The following PTPRM variants were observed in gnomAD, a reference collection of about 807,000 sequenced individuals.
PTPRM encodes the protein protein tyrosine phosphatase receptor type M, also known as receptor-type tyrosine-protein phosphatase mu.
In PTPRM, 47 loss-of-function variants were observed where a neutral mutation model predicts 186.7. The observed-to-expected ratio is 0.25, with a 90% CI of 0.20 to 0.32. PTPRM has a LOEUF of 0.32. Ranked by LOEUF, PTPRM falls within the 10% of genes least tolerant of loss-of-function variation. The pLI is 1.00. For missense variants in PTPRM, 1,494 were observed against 1,865.0 expected (o/e 0.80, Z 3.66); for synonymous variants, 668 against 674.9 (o/e 0.99, Z 0.16).
chr18:7,719,495 A>T (rs1201570185), intron 1 of PTPRM, among the ~76,000 whole-genome samples: 1 of 152,170 alleles, frequency 6.6e-6, no homozygotes, highest in Non-Finnish European at 1.5e-5. Context: ...GAACTTACCC[A>T]TGTAACTAAA....
At chr18:7,722,546 A>G (rs1487106459) in intron 1 of PTPRM, among the ~76,000 whole-genome samples, 2 of 152,336 alleles carry the variant, frequency 1.3e-5, no homozygotes, top group East Asian at 3.9e-4. Flanking sequence ...GGGTAAATTC[A>G]CTTATAAATT....
intron 29 of PTPRM, among the ~76,000 whole-genome samples, chr18:8,383,283 C>A (rs1013402791): frequency 9.8e-6 from 1 of 102,194 alleles, no homozygotes; most frequent in Admixed American, 1.6e-4. Context: ...GGCGACAGAA[C>A]GAGCTTCTGC....
At chr18:8,294,235 G>A (rs1355369186) in intron 19 of PTPRM, among the ~76,000 whole-genome samples, 1 of 152,154 alleles carries the variant, frequency 6.6e-6, no homozygotes, top group Admixed American at 6.5e-5. Context: ...CTGGGTCACA[G>A]GGTGAGACTC....
chr18:8,287,889 G>A (rs1357921781), intron 19 of PTPRM, among the ~76,000 whole-genome samples: 3 of 152,144 alleles, frequency 2.0e-5, no homozygotes, highest in Non-Finnish European at 2.9e-5. Flanking sequence ...CCTCTTTGGG[G>A]GACCTGTGAC....
chr18:8,397,771 C>G (rs2148618889), intron 32 of PTPRM, among the ~76,000 whole-genome samples: 1 of 152,350 alleles, frequency 6.6e-6, no homozygotes, highest in East Asian at 1.9e-4. Context: ...GGCAGCTCCC[C>G]TCTCACTTTT....
chr18:7,592,362 C>A (rs961927740), intron 1 of PTPRM, among the ~76,000 whole-genome samples: 1 of 152,190 alleles, frequency 6.6e-6, no homozygotes, highest in African/African-American at 2.4e-5. Context: ...TTTGCCTTTT[C>A]AGTGCTTTGG....
chr18:7,688,651 G>C (rs1197175915), intron 1 of PTPRM, among the ~76,000 whole-genome samples: 1 of 152,222 alleles, frequency 6.6e-6, no homozygotes, highest in Non-Finnish European at 1.5e-5. Flanking sequence ...TGGGAAGAGA[G>C]TAGTCCAGGC....
At chr18:8,055,116 A>G (rs1183532184) in intron 7 of PTPRM, among the ~76,000 whole-genome samples, 4 of 151,782 alleles carry the variant, frequency 2.6e-5, no homozygotes, top group African/African-American at 9.7e-5. Flanking sequence ...GTGGAATTTA[A>G]TTTTTCTATC....
At chr18:8,259,896 C>A (rs2094610830) in intron 19 of PTPRM, among the ~76,000 whole-genome samples, 1 of 152,142 alleles carries the variant, frequency 6.6e-6, no homozygotes, top group Non-Finnish European at 1.5e-5. Flanking sequence ...CCCATCTTGG[C>A]CTCCCAAAGT....
intron 10 of PTPRM, among the ~76,000 whole-genome samples, 153 bp from the exon 11 acceptor site, chr18:8,088,596 G>A (rs2090552217): frequency 1.3e-5 from 2 of 152,168 alleles, no homozygotes; most frequent in African/African-American, 4.8e-5. Flanking sequence ...TTCTATGTAG[G>A]GAATATATGT....
chr18:8,161,998 A>G (rs1171983485), intron 14 of PTPRM, among the ~76,000 whole-genome samples: 1 of 152,090 alleles, frequency 6.6e-6, no homozygotes, highest in African/African-American at 2.4e-5. Context: ...TTTCTTGCTA[A>G]TCCAAGCTGG....
chr18:8,184,158 C>T (rs553460797), intron 14 of PTPRM, among the ~76,000 whole-genome samples: 5 of 152,324 alleles, frequency 3.3e-5, no homozygotes, highest in South Asian at 4.1e-4. Flanking sequence ...TTTCTTTGCA[C>T]AGACACAGTA....
At chr18:7,952,961 G>A (rs1471849509) in intron 6 of PTPRM, among the ~76,000 whole-genome samples, 8 of 152,184 alleles carry the variant, frequency 5.3e-5, no homozygotes, top group East Asian at 1.9e-4. Context: ...AGCCACGATG[G>A]TGCCACTGCA....
chr18:7,700,319 T>TG (rs1167203608), intron 1 of PTPRM, among the ~76,000 whole-genome samples: 1 of 151,774 alleles, frequency 6.6e-6, no homozygotes. Context: ...CTTTGTGTGC[T>TG]GGGGGGTTTT....
intron 10 of PTPRM, among the ~76,000 whole-genome samples, chr18:8,086,243 C>G (rs895838963): frequency 3.9e-5 from 6 of 152,092 alleles, no homozygotes; most frequent in Non-Finnish European, 8.8e-5. Flanking sequence ...GAAAGACAGT[C>G]ATATAGAGTC....
At chr18:8,013,824 A>G (rs2084688884) in intron 7 of PTPRM, among the ~76,000 whole-genome samples, 1 of 152,234 alleles carries the variant, frequency 6.6e-6, no homozygotes, top group East Asian at 1.9e-4. Context: ...CTTCAAAAAT[A>G]TCAAACTGTA....
chr18:8,057,311 A>G (rs937383327), intron 7 of PTPRM, among the ~76,000 whole-genome samples: 2 of 151,990 alleles, frequency 1.3e-5, no homozygotes, highest in African/African-American at 2.4e-5. Flanking sequence ...GTACTTTTCA[A>G]TGTGTTTTAA....
In PTPRM at chr18:8,339,620, C is replaced by T. The variant is rs1240639808; in HGVS notation, c.2957-3803C>T. Among the ~76,000 whole-genome samples, 2 of 152,190 alleles carry T rather than the reference C, an allele frequency of 1.3e-5. 1 individual carries two copies. Among genetic ancestry groups the T allele is most frequent in the Non-Finnish European group, 2.9e-5 (2 of 68,040 alleles). The stretch of plus-strand genomic sequence containing the variant: ...GGGAGTCAGAGGTCAAAGGCAAAGG[C>T]TTACTGACCTCCCATGCTGTTCCCC... On this transcript the variant is annotated intron_variant, in intron 22 of 32. Coordinates refer to ENST00000580170, the MANE Select transcript of PTPRM (RefSeq NM_001105244.2).
chr18:8,081,441 A>G (rs1390892316), intron 9 of PTPRM, among the ~76,000 whole-genome samples: 1 of 152,216 alleles, frequency 6.6e-6, no homozygotes, highest in African/African-American at 2.4e-5. Flanking sequence ...AGCCAGGGAC[A>G]GAGTACAAGT....
Sources: allele counts gnomAD v4.1 joint callset (sites outside exome capture counted in the v4.1 genomes callset), GRCh38; gene constraint gnomAD v4.1.1; transcripts MANE v1.5; gene names NCBI Gene and HGNC (gene_info 2026-07-23, HGNC 2026-07-21).